The following TMEM207 variants were observed in gnomAD, a reference collection of about 807,000 sequenced individuals.
The protein encoded by TMEM207 is SRSR846.
In TMEM207, 15 loss-of-function variants were observed where a neutral mutation model predicts 17.4. That is an observed-to-expected ratio of 0.86 (90% CI 0.58 to 1.33). The LOEUF (loss-of-function observed/expected upper bound fraction) is 1.33, where lower values mean the gene tolerates loss of function less well. Among genes scored for constraint, TMEM207 ranks in the 40% most tolerant of loss-of-function variants. TMEM207 has a pLI of 0.00. For missense variants in TMEM207, 205 were observed against 173.8 expected (o/e 1.18, Z -1.01); for synonymous variants, 70 against 65.6 (o/e 1.07, Z -0.33).
At position 190,429,568 on chromosome 3, in the gene TMEM207, C is replaced by A; in HGVS notation, c.*27G>T. 1 of 1,612,184 alleles carries A rather than the reference C, an allele frequency of 6.2e-7. No homozygotes were observed. Among genetic ancestry groups the A allele is most frequent in the East Asian group, 2.2e-5 (1 of 44,810 alleles). On this transcript the variant is annotated 3_prime_UTR_variant, in exon 5 of 5. Transcript: ENST00000354905. ...TTTGGAATTACAGATGTCGTTAATA[C>A]TTTAAATTGATAATCCACACCTAAA...
At chr3:190,447,878 C>G in intron 1 of TMEM207, 51 bp from the exon 2 acceptor site, 1 of 1,548,692 alleles carries the variant, frequency 6.5e-7, no homozygotes, top group African/African-American at 1.4e-5. Flanking sequence ...TCAGTCTAAT[C>G]CTTTAATACA....
At chr3:190,434,536 T>A (rs562900230) in intron 4 of TMEM207, among the ~76,000 whole-genome samples, 1 of 152,198 alleles carries the variant, frequency 6.6e-6, no homozygotes, top group Non-Finnish European at 1.5e-5. Flanking sequence ...CTATTTATTT[T>A]GTAAATCGCT....
At position 190,449,760 on chromosome 3, in the gene TMEM207, C is replaced by T. The variant is rs553188861; in HGVS notation, c.50G>A (p.Gly17Glu). Residue 17 changes from glycine (G) to glutamate (E), a missense_variant, in exon 1 of 5, where the codon GGG becomes GAG. Gly to Glu is a moderately conservative substitution (Grantham distance 98). Transcript: ENST00000354905. ...CTGGAATAGCGGCAAACACAAGATC[C>T]CTATCGTTGAGATCGCTGAGGTGAC... ...FSVTSAISTI[G>E]ILCLPLFQLV... 3 of 1,613,762 alleles carry T rather than the reference C, an allele frequency of 1.9e-6. No homozygotes were observed. The highest frequency in any genetic ancestry group is 2.2e-5 in the South Asian group (2 of 91,066).
chr3:190,442,107 T>G (rs748231417), intron 2 of TMEM207, among the ~76,000 whole-genome samples: 8 of 152,152 alleles, frequency 5.3e-5, no homozygotes, highest in Non-Finnish European at 8.8e-5. Flanking sequence ...TTGAGAGAAG[T>G]TTTAAAATAT....
At chr3:190,433,050 C>T (rs1188461119) in intron 4 of TMEM207, among the ~76,000 whole-genome samples, 1 of 152,098 alleles carries the variant, frequency 6.6e-6, no homozygotes, top group Non-Finnish European at 1.5e-5. Flanking sequence ...GCAAAGGGAC[C>T]CTTATTTAAA....
intron 2 of TMEM207, 68 bp downstream of exon 2, chr3:190,447,722 A>G: frequency 1.3e-6 from 2 of 1,527,528 alleles, no homozygotes; most frequent in Admixed American, 1.8e-5. Flanking sequence ...TAATGGCTTG[A>G]GCCTTTTTTA....
chr3:190,431,113 T>C (rs1719683088), intron 4 of TMEM207, among the ~76,000 whole-genome samples: 1 of 152,104 alleles, frequency 6.6e-6, no homozygotes, highest in Non-Finnish European at 1.5e-5. Context: ...AGGGTGGAGC[T>C]GTGTTTAGTA....
chr3:190,448,466 A>T (rs1179028330), intron 1 of TMEM207, among the ~76,000 whole-genome samples: 1 of 152,166 alleles, frequency 6.6e-6, no homozygotes, highest in Non-Finnish European at 1.5e-5. Context: ...GCTCTTAGTT[A>T]TCTGCACTGA....
At chr3:190,448,980 A>G (rs946618815) in intron 1 of TMEM207, among the ~76,000 whole-genome samples, 1 of 152,204 alleles carries the variant, frequency 6.6e-6, no homozygotes, top group Non-Finnish European at 1.5e-5. Flanking sequence ...ATGAACATTC[A>G]CATTTTGTCC....
intron 4 of TMEM207, among the ~76,000 whole-genome samples, chr3:190,433,024 A>G (rs1422728036): frequency 6.6e-6 from 1 of 152,108 alleles, no homozygotes; most frequent in Non-Finnish European, 1.5e-5. Context: ...CAATCCACAC[A>G]CTTCATGGCA....
In TMEM207 at chr3:190,429,447, A is replaced by G; in HGVS notation, c.*148T>C. ...ATCTCCATGACCAAAATTTTTTCCA[A>G]CATCCATTCTTTTGTCGAATTGTCC... is the stretch of plus-strand genomic sequence containing the variant. On this transcript the variant is annotated 3_prime_UTR_variant, in exon 5 of 5. Coordinates refer to ENST00000354905, the MANE Select transcript of TMEM207 (RefSeq NM_207316.3). The G allele has an allele frequency of 8.4e-7, 1 of 1,195,932 alleles. No individual in the cohort carries two copies. The highest frequency in any genetic ancestry group is 1.1e-6 in the Non-Finnish European group (1 of 881,802). 74.1% of individuals were successfully genotyped at this position (1,195,932 alleles called of 1,614,324 possible). A position where few individuals can be genotyped will look rare whatever the true frequency, so the allele number is the denominator to read the frequency against.
intron 2 of TMEM207, among the ~76,000 whole-genome samples, chr3:190,445,382 T>C (rs191415105): frequency 1.2e-3 from 176 of 152,368 alleles, no homozygotes; most frequent in African/African-American, 3.9e-3. Context: ...AAATTACTTA[T>C]AGCATTTAAA....
At position 190,429,688 on chromosome 3, in the gene TMEM207, T is replaced by C. The variant is rs1474454931; in HGVS notation, c.348A>G (p.Gln116=). ...CAGGATATAGGTCAGGGGTTTGAGT[T>C]TGAAGGTGAATTCCAACAGTTGGAC... ...AVSPTVGIHL[Q]TQTPDLYPVP... The change falls in exon 5 of 5, where the codon CAA becomes CAG. Residue 116 remains glutamine, a synonymous_variant. Transcript: ENST00000354905. 6.2e-6 allele frequency: 10 copies of C among 1,612,402 alleles called. No homozygotes were observed. Among genetic ancestry groups the C allele is most frequent in the Non-Finnish European group, 8.5e-6 (10 of 1,179,216 alleles).
At chr3:190,440,483 C>G (rs926526801) in intron 3 of TMEM207, 94 bp from the exon 4 acceptor site, 22 of 1,175,936 alleles carry the variant, frequency 1.9e-5, no homozygotes, top group Non-Finnish European at 2.4e-5. Flanking sequence ...GAAGACTCAG[C>G]TAGACTGGCC....
At chr3:190,439,018 A>AAC (rs370970309) in intron 4 of TMEM207, among the ~76,000 whole-genome samples, 1 of 151,554 alleles carries the variant, frequency 6.6e-6, no homozygotes, top group African/African-American at 2.4e-5. Context: ...TCTACTAAAA[A>AAC]TACAAAAAAT....
At chr3:190,432,419 T>C (rs1379907478) in intron 4 of TMEM207, among the ~76,000 whole-genome samples, 2 of 152,118 alleles carry the variant, frequency 1.3e-5, no homozygotes, top group Non-Finnish European at 2.9e-5. Context: ...TGAACCTTCA[T>C]AGAGTGGTAA....
rs750378716 is a variant in TMEM207, at chr3:190,440,303, A to T, written c.245T>A (p.Ile82Asn). Reference sequence around the variant, plus strand: ...TGCCATGGTGCGCCTGTGAGAATCAATTCGGGGTCTCCTCAGCCAGCACTG... The same window carrying T: ...TGCCATGGTGCGCCTGTGAGAATCATTTCGGGGTCTCCTCAGCCAGCACTG... Reference protein sequence around the residue: ...CLQCWLRRPRIDSHRRTMAVF... With the variant: ...CLQCWLRRPRNDSHRRTMAVF... The change falls in exon 4 of 5, where the codon ATT (isoleucine) becomes AAT (asparagine). Residue 82 changes from isoleucine (I) to asparagine (N), a missense_variant. Physicochemically the swap from Ile to Asn is moderately radical, Grantham distance 149 (BLOSUM62 -3). Transcript: ENST00000354905. 1.2e-6 allele frequency: 2 copies of T among 1,614,140 alleles called. No individual in the cohort carries two copies. Among genetic ancestry groups the T allele is most frequent in the Non-Finnish European group, 8.5e-7 (1 of 1,180,010 alleles).
chr3:190,449,441 T>A (rs1720114542), intron 1 of TMEM207, among the ~76,000 whole-genome samples: 1 of 152,214 alleles, frequency 6.6e-6, no homozygotes, highest in Non-Finnish European at 1.5e-5. Context: ...CAATAGCATT[T>A]TGAATTTAAA....
At chr3:190,442,644 A>G (rs138692818) in intron 2 of TMEM207, among the ~76,000 whole-genome samples, 1 of 152,238 alleles carries the variant, frequency 6.6e-6, no homozygotes, top group Admixed American at 6.5e-5. Context: ...TTGAGCGCCC[A>G]GAGTGTTTAG....
Sources: gnomAD v4.1 joint callset for allele counts (sites outside exome capture counted in the v4.1 genomes callset) on GRCh38, gnomAD v4.1.1 for gene constraint, MANE v1.5 for transcripts, NCBI Gene and HGNC (gene_info 2026-07-23, HGNC 2026-07-21) for gene names.